ERICH3: variants seen among roughly 807,000 people sequenced by gnomAD.
The protein encoded by ERICH3 is glutamate rich 3, also known as glutamate-rich protein 3.
In ERICH3, 126 loss-of-function variants were observed where a neutral mutation model predicts 131.1. That is an observed-to-expected ratio of 0.96 (90% CI 0.83 to 1.11). The LOEUF is 1.11. ERICH3 is among the 50% of genes most tolerant of loss of function. ERICH3 has a pLI of 0.00. For synonymous variants in ERICH3, 695 were observed against 644.6 expected, an observed-to-expected ratio of 1.08 and a Z score of -1.18; for missense variants, 2,050 against 1,810.7, an observed-to-expected ratio of 1.13 and a Z score of -2.40.
chr1:74,666,401 T>C (rs1157787021), intron 1 of ERICH3, among the ~76,000 whole-genome samples: 4 of 152,176 alleles, frequency 2.6e-5, no homozygotes, highest in Admixed American at 1.3e-4. Context: ...AGCAATGATT[T>C]TACAATTGTC....
intron 8 of ERICH3, among the ~76,000 whole-genome samples, chr1:74,614,602 G>T (rs1648873238): frequency 6.6e-6 from 1 of 151,410 alleles, no homozygotes; most frequent in Non-Finnish European, 1.5e-5. Flanking sequence ...GCGTGAACCC[G>T]GGAGGCGGAG....
intron 9 of ERICH3, among the ~76,000 whole-genome samples, chr1:74,608,949 C>G (rs1221539997): frequency 6.6e-6 from 1 of 151,990 alleles, no homozygotes; most frequent in Non-Finnish European, 1.5e-5. Flanking sequence ...TTGATGCCTC[C>G]CTACTGCATG....
At position 74,590,053 on chromosome 1, in the gene ERICH3, G is replaced by A. The variant is rs184031677; in HGVS notation, c.1754C>T (p.Ser585Phe). 1 of 1,606,814 alleles carries A rather than the reference G, an allele frequency of 6.2e-7. No individual in the cohort carries two copies. Among genetic ancestry groups the A allele is most frequent in the Non-Finnish European group, 8.5e-7 (1 of 1,175,828 alleles). The change falls in exon 12 of 15, where the codon TCC (serine) becomes TTC (phenylalanine). Residue 585 changes from serine (S) to phenylalanine (F), a missense_variant. Physicochemically the swap from Ser to Phe is radical, Grantham distance 155. Transcript: ENST00000326665. Reference protein sequence around the residue: ...QDMKTASSTSSRSHPYSSDSE... With the variant: ...QDMKTASSTSFRSHPYSSDSE... The stretch of plus-strand genomic sequence containing the variant: ...GTCACTAGAATAAGGGTGACTTCTG[G>A]ATGAGGTTGATGAAGCAGTTTTCAT...
chr1:74,640,117 A>T (rs1326321950), intron 5 of ERICH3, among the ~76,000 whole-genome samples: 1 of 152,148 alleles, frequency 6.6e-6, no homozygotes, highest in Admixed American at 6.6e-5. Flanking sequence ...GATCTGCTGG[A>T]TGTATCATAA....
At chr1:74,593,294 T>C (rs1456123890) in intron 11 of ERICH3, among the ~76,000 whole-genome samples, 1 of 152,158 alleles carries the variant, frequency 6.6e-6, no homozygotes, top group Non-Finnish European at 1.5e-5. Flanking sequence ...TTGGCATCAC[T>C]ATAATTAAAA....
At chr1:74,663,102 A>G (rs567392582) in intron 1 of ERICH3, among the ~76,000 whole-genome samples, 24 of 152,316 alleles carry the variant, frequency 1.6e-4, no homozygotes, top group Admixed American at 1.3e-3. Flanking sequence ...CTCTGCATCT[A>G]GCTCAGGACT....
intron 1 of ERICH3, 44 bp downstream of exon 1, chr1:74,673,453 G>A (rs1646760162): frequency 6.2e-7 from 1 of 1,607,194 alleles, no homozygotes; most frequent in South Asian, 1.1e-5. Flanking sequence ...GCTGGCTGAA[G>A]CCGCCACCTG....
At chr1:74,573,707 A>G (rs1418980173) in intron 13 of ERICH3, among the ~76,000 whole-genome samples, 5 of 152,186 alleles carry the variant, frequency 3.3e-5, no homozygotes, top group African/African-American at 1.2e-4. Flanking sequence ...TATGAAAAGA[A>G]ATGTCTTCAA....
chr1:74,630,302 T>C (rs1298636316), intron 7 of ERICH3, among the ~76,000 whole-genome samples: 1 of 152,202 alleles, frequency 6.6e-6, no homozygotes, highest in East Asian at 1.9e-4. Context: ...TCTATTATTG[T>C]TCCAAATATT....
intron 6 of ERICH3, among the ~76,000 whole-genome samples, chr1:74,632,959 A>G (rs1646354463): frequency 6.6e-6 from 1 of 151,918 alleles, no homozygotes; most frequent in Non-Finnish European, 1.5e-5. Context: ...ACAAATTGGT[A>G]ATTTTTGGGT....
In ERICH3 at chr1:74,652,006, C is replaced by T. The variant is rs577587342; in HGVS notation, c.24-2691G>A. On this transcript the variant is annotated intron_variant, in intron 1 of 14. Coordinates refer to ENST00000326665, the MANE Select transcript of ERICH3 (RefSeq NM_001002912.5). ...GTCCAGTTGGGTTGAAACCTTTTTA[C>T]ACATCATCTTTTCCTATTTAGGAAT... 7.9e-4 allele frequency among the ~76,000 whole-genome samples: 120 copies of T among 152,262 alleles called. 1 individual carries two copies. Among genetic ancestry groups the T allele is most frequent in the African/African-American group, 2.8e-3 (115 of 41,550 alleles).
rs1250190199 is a variant in ERICH3 at position 74,572,914 on chromosome 1, C to T, written c.2796G>A (p.Glu932=). 1 of 1,614,058 alleles carries T rather than the reference C, an allele frequency of 6.2e-7. No homozygotes were observed. ...LREAATSEEG[E]AEGGVAVSDV... Reference sequence around the variant, plus strand: ...CACTCACAGCCACCCCACCCTCAGCCTCTCCCTCCTCCGATGTCGCTGCCT... The same window carrying T: ...CACTCACAGCCACCCCACCCTCAGCTTCTCCCTCCTCCGATGTCGCTGCCT... Residue 932 remains glutamate, a synonymous_variant, in exon 14 of 15, where the codon GAG becomes GAA. Coordinates refer to ENST00000326665, the MANE Select transcript of ERICH3 (RefSeq NM_001002912.5).
rs1030855230 is a variant in ERICH3, at chr1:74,579,829, C to A, written c.2177-2893G>T. The A allele has an allele frequency of 1.1e-4, 106 of 985,146 alleles. No homozygotes were observed. In the African/African-American group the frequency reaches 1.8e-3, roughly 16 times the overall value. 61.0% of individuals were successfully genotyped at this position (985,146 alleles called of 1,614,324 possible). ...TTTTACCTATCAATAAAGGTGACCA[C>A]TGGAGGCAAAGGTGATTGTCAGTTC... On this transcript the variant is annotated intron_variant, in intron 12 of 14. Coordinates refer to ENST00000326665, the MANE Select transcript of ERICH3 (RefSeq NM_001002912.5).
chr1:74,584,287 T>A (rs531797479), intron 12 of ERICH3, among the ~76,000 whole-genome samples: 1 of 152,326 alleles, frequency 6.6e-6, no homozygotes, highest in East Asian at 1.9e-4. Context: ...GCCAGAATAA[T>A]CTTTTCGAAA....
In ERICH3 at chr1:74,620,716, T is replaced by C. The variant is rs1649176191; in HGVS notation, c.1000+18A>G. The C allele has an allele frequency of 1.3e-6, 2 of 1,561,640 alleles. No individual in the cohort carries two copies. The highest frequency in any genetic ancestry group is 1.4e-5 in the African/African-American group (1 of 72,668). On this transcript the variant is annotated intron_variant, in intron 8 of 14. Coordinates refer to ENST00000326665, the MANE Select transcript of ERICH3 (RefSeq NM_001002912.5). Reference sequence around the variant, plus strand: ...ATCAACTCCAAGCAATTAAAAAACATTCACATTTTATGTGTACCTTTTTCA... The same window carrying C: ...ATCAACTCCAAGCAATTAAAAAACACTCACATTTTATGTGTACCTTTTTCA...
At chr1:74,669,686 A>G (rs1646724085) in intron 1 of ERICH3, among the ~76,000 whole-genome samples, 1 of 152,180 alleles carries the variant, frequency 6.6e-6, no homozygotes, top group Non-Finnish European at 1.5e-5. Context: ...AATCTCTATT[A>G]TCTTTGGCAG....
intron 10 of ERICH3, among the ~76,000 whole-genome samples, chr1:74,602,800 C>G (rs991630947): frequency 6.6e-6 from 1 of 151,728 alleles, no homozygotes; most frequent in African/African-American, 2.4e-5. Flanking sequence ...CTTTCATAAA[C>G]CACCATGCTT....
intron 1 of ERICH3, among the ~76,000 whole-genome samples, chr1:74,654,356 G>A (rs894708926): frequency 6.7e-6 from 1 of 150,130 alleles, no homozygotes; most frequent in Non-Finnish European, 1.5e-5. Flanking sequence ...TAGGATATGT[G>A]TATATATATA....
chr1:74,611,596 A>G (rs1648698587), intron 9 of ERICH3, among the ~76,000 whole-genome samples: 1 of 152,132 alleles, frequency 6.6e-6, no homozygotes, highest in Non-Finnish European at 1.5e-5. Context: ...GCTTAGCCTC[A>G]TGGTCTCTGC....
Sources: gnomAD v4.1 joint callset for allele counts (sites outside exome capture counted in the v4.1 genomes callset) on GRCh38, gnomAD v4.1.1 for gene constraint, MANE v1.5 for transcripts, NCBI Gene and HGNC (gene_info 2026-07-23, HGNC 2026-07-21) for gene names.